Variants in HTRA4 observed in about 807,000 individuals in gnomAD.
HTRA4 encodes HtrA serine peptidase 4.
In HTRA4, 46 loss-of-function variants were observed where a neutral mutation model predicts 49.1. The ratio of observed to expected loss-of-function variants is 0.94; its 90% CI spans 0.74 to 1.20. The LOEUF (loss-of-function observed/expected upper bound fraction) is 1.20, where lower values mean the gene tolerates loss of function less well. Among genes scored for constraint, HTRA4 ranks in the 50% most tolerant of loss-of-function variants. HTRA4 has a pLI of 0.00. For missense variants in HTRA4, 602 were observed against 636.9 expected (o/e 0.95, Z 0.59); for synonymous variants, 261 against 264.0 (o/e 0.99, Z 0.11).
rs201875131 is a variant in HTRA4 at position 38,983,073 on chromosome 8, A to G, written c.1268+25A>G. ...GGTAAGAGAAGTGAAGGCCTTTGTC[A>G]TCTACCTTTGCTTTTTCTAAATGTG... is the stretch of plus-strand genomic sequence containing the variant. On this transcript the variant is annotated intron_variant, in intron 8 of 8. Coordinates refer to ENST00000302495, the MANE Select transcript of HTRA4 (RefSeq NM_153692.4). 5.7e-4 allele frequency: 843 copies of G among 1,485,058 alleles called. 3 individuals are homozygous for G. Among genetic ancestry groups the G allele is most frequent in the South Asian group, 1.6e-4 (14 of 87,602 alleles). The allele number at this position is 1,485,058 out of a possible 1,614,324, so 92.0% of individuals were successfully genotyped here.
Position 38,988,386 on chromosome 8 carries a change from C to A in HTRA4, c.*288C>A. The A allele has an allele frequency of 4.7e-6, 1 of 212,986 alleles. No individual in the cohort carries two copies. The allele number at this position is 212,986 out of a possible 1,614,324, so 13.2% of individuals were successfully genotyped here. On this transcript the variant is annotated 3_prime_UTR_variant, in exon 9 of 9. Transcript: ENST00000302495. The stretch of plus-strand genomic sequence containing the variant: ...AGCAAACTAACGCAGGAACAGAAAA[C>A]CAAATACTGCATGTTCTCACTTATA...
chr8:38,987,926 CCTCT>C lies in HTRA4; in HGVS notation c.1269-6_1269-3del. 6.6e-7 allele frequency: 1 copy of C among 1,524,192 alleles called. No individual in the cohort carries two copies. The highest frequency in any genetic ancestry group is 1.4e-5 in the African/African-American group (1 of 69,786). The allele number at this position is 1,524,192 out of a possible 1,614,324, so 94.4% of individuals were successfully genotyped here. ...GTTTCATGATCCTCTTTTTTTTCTC[CCTCT>C]CTCAGCTCTGGATTGAGAGATCACG... is the stretch of plus-strand genomic sequence containing the variant. On this transcript the variant is annotated splice_region_variant and splice_polypyrimidine_tract_variant and intron_variant, in intron 8 of 8. Transcript: ENST00000302495.
intron 7 of HTRA4, among the ~76,000 whole-genome samples, 154 bp from the exon 8 acceptor site, chr8:38,982,799 C>T (rs1447635687): frequency 6.6e-6 from 1 of 152,108 alleles, no homozygotes; most frequent in African/African-American, 2.4e-5. Context: ...AGGCTCAGCC[C>T]GAACTGAGAG....
Position 38,974,621 on chromosome 8 carries a change from A to T in HTRA4, c.358A>T (p.Arg120Trp), listed in dbSNP as rs1302154705. The T allele has an allele frequency of 1.1e-5, 16 of 1,426,974 alleles. No homozygotes were observed. Among genetic ancestry groups the T allele is most frequent in the Non-Finnish European group, 1.5e-5 (16 of 1,097,588 alleles). The allele number at this position is 1,426,974 out of a possible 1,614,324, so 88.4% of individuals were successfully genotyped here. Residue 120 changes from arginine to tryptophan, a missense_variant, in exon 1 of 9, where the codon AGG becomes TGG. Coordinates refer to ENST00000302495, the MANE Select transcript of HTRA4 (RefSeq NM_153692.4). The part of the protein sequence containing the change: ...TLGGAVCGSD[R>W]RTYPSMCALR... ...GGGAGGGGCCGTGTGCGGCAGCGAC[A>T]GGCGCACCTACCCCAGCATGTGCGC...
In HTRA4 at chr8:38,982,549, C is replaced by T; in HGVS notation, c.1166C>T (p.Thr389Ile). Residue 389 changes from threonine (T) to isoleucine (I), a missense_variant, in exon 7 of 9, where the codon ACT (threonine) becomes ATT (isoleucine). Coordinates refer to ENST00000302495, the MANE Select transcript of HTRA4 (RefSeq NM_153692.4). ...CTGGGTCTGCAAATGCTGTCCCTCA[C>T]TGTGCCGTAAGCATGTGTTTGAATA... ...KYLGLQMLSL[T>I]VPLSEELKMH... The T allele has an allele frequency of 1.2e-6, 2 of 1,614,148 alleles. No homozygotes were observed. Among genetic ancestry groups the T allele is most frequent in the Non-Finnish European group, 1.7e-6 (2 of 1,179,964 alleles).
chr8:38,978,213 T>A, intron 4 of HTRA4, 66 bp downstream of exon 4: 1 of 1,390,422 alleles, frequency 7.2e-7, no homozygotes, highest in Non-Finnish European at 9.8e-7. Context: ...CATGGCCTGT[T>A]AGGAACTGGG....
In HTRA4 at chr8:38,981,656, G is replaced by T. The variant is rs971733572; in HGVS notation, c.1003G>T (p.Gly335Cys). Residue 335 changes from glycine to cysteine, a missense_variant, in exon 6 of 9, where the codon GGT (glycine) becomes TGT (cysteine). By Grantham distance (159) the Gly-to-Cys change is radical. Transcript: ENST00000302495. ...NSGGPLVNLD[G>C]DVIGVNSLRV... Reference sequence around the variant, plus strand: ...ATGATGTCCCCTCCCTTGCCAGGATGGTGATGTGATTGGCGTCAATTCATT... The same window carrying T: ...ATGATGTCCCCTCCCTTGCCAGGATTGTGATGTGATTGGCGTCAATTCATT... The T allele has an allele frequency of 2.5e-6, 4 of 1,611,416 alleles. No homozygotes were observed. The African/African-American group carries it at 5.3e-5, about 22-fold the overall frequency.
intron 8 of HTRA4, among the ~76,000 whole-genome samples, chr8:38,985,858 T>C (rs1371469797): frequency 2.0e-5 from 3 of 152,238 alleles, no homozygotes; most frequent in Non-Finnish European, 4.4e-5. Flanking sequence ...AGGTGATTCA[T>C]GTGTATGTTA....
At chr8:38,974,843 C>T in intron 1 of HTRA4, 114 bp downstream of exon 1, 1 of 1,194,206 alleles carries the variant, frequency 8.4e-7, no homozygotes. Context: ...CGTCATTTGC[C>T]TCCTGGATTC....
Position 38,983,027 on chromosome 8 carries a change from T to A in HTRA4, c.1247T>A (p.Val416Asp). Reference sequence around the variant, plus strand: ...TCTGGGGTTTATGTATGTAAAGTGGTTGAAGGAACAGCTGCTCAAAGGTAA... The same window carrying A: ...TCTGGGGTTTATGTATGTAAAGTGGATGAAGGAACAGCTGCTCAAAGGTAA... ...VSSGVYVCKV[V>D]EGTAAQSSGL... is the part of the protein sequence containing the mutation. The change falls in exon 8 of 9, where the codon GTT (valine) becomes GAT (aspartate). Residue 416 changes from valine (V) to aspartate (D), a missense_variant. Val to Asp is a radical substitution (Grantham distance 152). Coordinates refer to ENST00000302495, the MANE Select transcript of HTRA4 (RefSeq NM_153692.4). 3 of 1,613,352 alleles carry A rather than the reference T, an allele frequency of 1.9e-6. No individual in the cohort carries two copies. The highest frequency in any genetic ancestry group is 2.5e-6 in the Non-Finnish European group (3 of 1,179,374).
intron 7 of HTRA4, 23 bp from the exon 8 acceptor site, chr8:38,982,930 C>G: frequency 6.5e-7 from 1 of 1,532,834 alleles, no homozygotes; most frequent in Non-Finnish European, 9.0e-7. Flanking sequence ...TTCATTGTTT[C>G]CTAATCTTCT....
At position 38,974,341 on chromosome 8, in the gene HTRA4, C is replaced by T; in HGVS notation, c.78C>T (p.Val26=). The change falls in exon 1 of 9, where the codon GTC becomes GTT. Residue 26 remains valine, a synonymous_variant. Coordinates refer to ENST00000302495, the MANE Select transcript of HTRA4 (RefSeq NM_153692.4). ...GGCTGCTGCTGCTCCTGGTGCCCGT[C>T]CTCTGGGCCGGGGCTGAAAAGCTAC... ...LPGLLLLLVP[V]LWAGAEKLHT... 6.2e-7 allele frequency: 1 copy of T among 1,612,006 alleles called. No individual in the cohort carries two copies. Among genetic ancestry groups the T allele is most frequent in the Non-Finnish European group, 8.5e-7 (1 of 1,179,546 alleles).
At chr8:38,983,116 TG>T in intron 8 of HTRA4, 68 bp downstream of exon 8, 1 of 1,010,230 alleles carries the variant, frequency 9.9e-7, no homozygotes, top group Non-Finnish European at 1.5e-6. Context: ...GTAAAATGCA[TG>T]GGGGATCCAG....
In HTRA4 at chr8:38,988,124, CTA is replaced by C; in HGVS notation, c.*27_*28del. The C allele has an allele frequency of 7.1e-7, 1 of 1,410,098 alleles. No individual in the cohort carries two copies. Among genetic ancestry groups the C allele is most frequent in the Non-Finnish European group, 9.3e-7 (1 of 1,077,692 alleles). The allele number at this position is 1,410,098 out of a possible 1,614,324, so 87.3% of individuals were successfully genotyped here. A position where few individuals can be genotyped will look rare whatever the true frequency, so the allele number is the denominator to read the frequency against. ...ATATCTTGTTTTAAAGTGGGATTAT[CTA>C]AAAAAAAAAAAACCAGTTATATCAC... On this transcript the variant is annotated 3_prime_UTR_variant, in exon 9 of 9. Transcript: ENST00000302495.
Position 38,982,956 on chromosome 8 carries a change from T to TA in HTRA4, c.1177dup (p.Ser393LysfsTer2), listed in dbSNP as rs753736580. 1.2e-5 allele frequency: 19 copies of TA among 1,605,682 alleles called. No individual in the cohort carries two copies. The highest frequency in any genetic ancestry group is 1.1e-5 in the Non-Finnish European group (13 of 1,172,714). On this transcript the variant is annotated frameshift_variant, in exon 8 of 9. Coordinates refer to ENST00000302495, the MANE Select transcript of HTRA4 (RefSeq NM_153692.4). LOFTEE classifies it high-confidence loss of function. Reference sequence around the variant, plus strand: ...CTAATCTTCTCACTTCTCTTAGCCTTAGTGAAGAATTGAAAATGCATTATC... The same window carrying TA: ...CTAATCTTCTCACTTCTCTTAGCCTTAAGTGAAGAATTGAAAATGCATTATC...
chr8:38,981,172 C>T (rs941980114), intron 5 of HTRA4, among the ~76,000 whole-genome samples: 2 of 145,822 alleles, frequency 1.4e-5, no homozygotes, highest in East Asian at 4.2e-4. Context: ...CTCCGCCTCC[C>T]GGGTTCACGC....
chr8:38,974,297 G>C lies in HTRA4; in HGVS notation c.34G>C (p.Gly12Arg), dbSNP rs1180577781. Residue 12 changes from glycine (G) to arginine (R), a missense_variant, in exon 1 of 9, where the codon GGA becomes CGA. Physicochemically the swap from Gly to Arg is moderately radical, Grantham distance 125. Coordinates refer to ENST00000302495, the MANE Select transcript of HTRA4 (RefSeq NM_153692.4). ...IRPQLRTAGL[G>R]RCLLPGLLLL... ...ACCTCAGCTGCGGACCGCGGGGCTGGGACGATGCCTCCTGCCGGGGCTGCT... is the reference window on the plus strand; with the variant it reads ...ACCTCAGCTGCGGACCGCGGGGCTGCGACGATGCCTCCTGCCGGGGCTGCT... 2.5e-6 allele frequency: 4 copies of C among 1,612,486 alleles called. No individual in the cohort carries two copies. The African/African-American group carries it at 4.0e-5, about 16-fold the overall frequency.
intron 8 of HTRA4, among the ~76,000 whole-genome samples, chr8:38,985,897 T>C (rs1835477922): frequency 6.6e-6 from 1 of 152,206 alleles, no homozygotes; most frequent in Non-Finnish European, 1.5e-5. Context: ...TGGAAGTTGC[T>C]GATAAACAGA....
chr8:38,976,440 T>A (rs1835352073), intron 2 of HTRA4, 95 bp from the exon 3 acceptor site: 3 of 1,080,744 alleles, frequency 2.8e-6, no homozygotes, highest in South Asian at 2.7e-5. Context: ...GATGGAGGTA[T>A]GTTTAATAAG....
Sources: allele counts gnomAD v4.1 joint callset (sites outside exome capture counted in the v4.1 genomes callset), GRCh38; gene constraint gnomAD v4.1.1; transcripts MANE v1.5; gene names NCBI Gene and HGNC (gene_info 2026-07-23, HGNC 2026-07-21).